The following SPMIP5 variants were observed in gnomAD, a reference collection of about 807,000 sequenced individuals.
SPMIP5 encodes sperm-associated microtubule inner protein 5.
chr10:116,665,623 G>A, the SPMIP5 span: 8 of 1,613,212 alleles, frequency 5.0e-6, no homozygotes, highest in African/African-American at 1.3e-5. Flanking sequence ...ATCAGGGGGT[G>A]GTACTGCAGA....
At chr10:116,664,910 C>T in the SPMIP5 span, 43 of 1,614,018 alleles carry the variant, frequency 2.7e-5, no homozygotes, top group Admixed American at 5.0e-5. Flanking sequence ...AGCCAGGGAT[C>T]GGGGGCTCCT....
chr10:116,663,519 G>T, the SPMIP5 span, among the ~76,000 whole-genome samples: 1 of 152,278 alleles, frequency 6.6e-6, no homozygotes, highest in African/African-American at 2.4e-5. Flanking sequence ...GGCTGGGGTG[G>T]GCGTGGTGTC....
the SPMIP5 span, chr10:116,664,704 G>A: frequency 1.9e-6 from 3 of 1,586,216 alleles, no homozygotes; most frequent in African/African-American, 2.7e-5. Flanking sequence ...CCCCATCCTG[G>A]GTTTGCACTT....
the SPMIP5 span, chr10:116,664,495 C>T: frequency 1.9e-5 from 15 of 778,888 alleles, no homozygotes; most frequent in Admixed American, 1.4e-4. Context: ...AGGATGGTAG[C>T]CCTGCTGGTT....
chr10:116,667,401 G>C, the SPMIP5 span, among the ~76,000 whole-genome samples: 1 of 152,186 alleles, frequency 6.6e-6, no homozygotes, highest in Non-Finnish European at 1.5e-5. Flanking sequence ...AGTGGTCCTA[G>C]AAAACAAATA....
At chr10:116,664,465 T>C in the SPMIP5 span, 19 of 760,318 alleles carry the variant, frequency 2.5e-5, no homozygotes, top group African/African-American at 5.3e-5. Context: ...CTCAGCACCC[T>C]TGGGCCTTAA....
chr10:116,664,742 G>A, the SPMIP5 span: 73 of 1,611,340 alleles, frequency 4.5e-5, no homozygotes, highest in Admixed American at 4.2e-4. Context: ...CCTGGGGTAC[G>A]GACCCAAGCC....
the SPMIP5 span, among the ~76,000 whole-genome samples, chr10:116,663,365 C>T: frequency 1.3e-5 from 2 of 152,140 alleles, no homozygotes; most frequent in Non-Finnish European, 2.9e-5. Context: ...TTTGGACTTC[C>T]AGCCTCCAGA....
At chr10:116,665,217 TG>T in the SPMIP5 span, 1 of 760,184 alleles carries the variant, frequency 1.3e-6, no homozygotes, top group East Asian at 5.0e-5. Context: ...GGCAACATGG[TG>T]AAACCCCGTC....
At chr10:116,664,032 A>G in the SPMIP5 span, 1 of 1,577,252 alleles carries the variant, frequency 6.3e-7, no homozygotes, top group South Asian at 1.1e-5. Flanking sequence ...GGGGCCTTCC[A>G]AGGGCAGGGC....
the SPMIP5 span, among the ~76,000 whole-genome samples, chr10:116,667,962 T>C: frequency 6.6e-6 from 1 of 151,896 alleles, no homozygotes; most frequent in African/African-American, 2.4e-5. Context: ...CCTCATCACA[T>C]TGTGTCTATC....
the SPMIP5 span, chr10:116,670,247 G>A: frequency 6.6e-6 from 1 of 152,254 alleles, no homozygotes; most frequent in African/African-American, 2.4e-5. Flanking sequence ...GCGTTTTTGC[G>A]GGTGTAGACA....
the SPMIP5 span, chr10:116,665,917 C>T: frequency 2.7e-6 from 3 of 1,125,116 alleles, no homozygotes; most frequent in East Asian, 2.4e-5. Flanking sequence ...TTCAGCCCAC[C>T]CTTTGGCATT....
At chr10:116,665,594 C>G in the SPMIP5 span, 1 of 1,606,488 alleles carries the variant, frequency 6.2e-7, no homozygotes, top group Non-Finnish European at 8.5e-7. Context: ...GAAATGGTTT[C>G]AGGGCGCTGC....
At chr10:116,668,210 A>C in the SPMIP5 span, 3 of 1,556,144 alleles carry the variant, frequency 1.9e-6, no homozygotes, top group Non-Finnish European at 2.7e-6. Context: ...AGTGACCAGG[A>C]CCCGGGTTCC....
At chr10:116,665,950 C>G in the SPMIP5 span, 1 of 820,838 alleles carries the variant, frequency 1.2e-6, no homozygotes, top group Non-Finnish European at 1.9e-6. Flanking sequence ...AACAGCACTA[C>G]GTTTTTCCAA....
At chr10:116,663,090 G>A in the SPMIP5 span, among the ~76,000 whole-genome samples, 1 of 151,316 alleles carries the variant, frequency 6.6e-6, no homozygotes, top group Non-Finnish European at 1.5e-5. Context: ...GCTGAGGCAG[G>A]AGAATGGCGT....
chr10:116,665,749 T>C, the SPMIP5 span: 1 of 1,614,168 alleles, frequency 6.2e-7, no homozygotes, highest in South Asian at 1.1e-5. Flanking sequence ...CGCTGTGTTT[T>C]CTCCTGGAAG....
the SPMIP5 span, among the ~76,000 whole-genome samples, chr10:116,663,199 A>G: frequency 1.1e-4 from 16 of 151,138 alleles, no homozygotes; most frequent in Admixed American, 5.9e-4. Flanking sequence ...AAAAAAAAAA[A>G]AAGAAGATGG....
Sources: gnomAD v4.1 joint callset for allele counts (sites outside exome capture counted in the v4.1 genomes callset) on GRCh38, gnomAD v4.1.1 for gene constraint, MANE v1.5 for transcripts, NCBI Gene and HGNC (gene_info 2026-07-23, HGNC 2026-07-21) for gene names.